ARL15: variants seen among roughly 807,000 people sequenced by gnomAD.
The protein encoded by ARL15 is ARF like GTPase 15.
A neutral mutation model predicts 25.2 loss-of-function variants in ARL15; 19 were observed. The observed-to-expected ratio is 0.75, with a 90% CI of 0.53 to 1.10. The LOEUF (loss-of-function observed/expected upper bound fraction) is 1.10, where lower values mean the gene tolerates loss of function less well. Among genes scored for constraint, ARL15 ranks in the 50% least tolerant of loss-of-function variants. The pLI, the probability that ARL15 is intolerant of heterozygous loss-of-function variation, is 0.00. For missense variants in ARL15, 220 were observed against 246.0 expected (o/e 0.89, Z 0.71); for synonymous variants, 94 against 86.8 (o/e 1.08, Z -0.46).
chr5:54,266,382 A>C (rs1757625414), intron 1 of ARL15, among the ~76,000 whole-genome samples: 1 of 152,214 alleles, frequency 6.6e-6, no homozygotes, highest in South Asian at 2.1e-4. Context: ...GCAGATGTGT[A>C]GAGAAAAATC....
At chr5:54,227,366 T>C (rs566907777) in intron 1 of ARL15, among the ~76,000 whole-genome samples, 216 of 152,290 alleles carry the variant, frequency 1.4e-3, no homozygotes, top group African/African-American at 5.1e-3. Context: ...AGACCTAACC[T>C]CATTGCCTTT....
At chr5:54,273,109 C>T (rs900980619) in intron 1 of ARL15, among the ~76,000 whole-genome samples, 1 of 152,036 alleles carries the variant, frequency 6.6e-6, no homozygotes, top group African/African-American at 2.4e-5. Context: ...TTCAGCAAAC[C>T]GTACTAAACT....
At chr5:54,070,324 G>A (rs1378640323) in intron 4 of ARL15, among the ~76,000 whole-genome samples, 1 of 151,740 alleles carries the variant, frequency 6.6e-6, no homozygotes, top group Non-Finnish European at 1.5e-5. Flanking sequence ...CCTGGAAGGT[G>A]GAGCTTGCAG....
At chr5:53,940,606 T>C (rs192702737) in intron 4 of ARL15, among the ~76,000 whole-genome samples, 98 of 152,260 alleles carry the variant, frequency 6.4e-4, no homozygotes, top group African/African-American at 2.1e-3. Flanking sequence ...TTATTCCTAA[T>C]TTTCTGGAGA....
At chr5:54,015,292 C>CAAAAA (rs112278417) in intron 4 of ARL15, among the ~76,000 whole-genome samples, 2 of 138,260 alleles carry the variant, frequency 1.4e-5, no homozygotes, top group Non-Finnish European at 3.1e-5. Context: ...AACTCCATCT[C>CAAAAA]AAAAAAAAAA....
chr5:54,073,616 G>A (rs1162625828), intron 4 of ARL15, among the ~76,000 whole-genome samples: 1 of 152,212 alleles, frequency 6.6e-6, no homozygotes, highest in Non-Finnish European at 1.5e-5. Flanking sequence ...GTCTAGTGGT[G>A]TCTCCTTATA....
At chr5:54,096,133 A>G (rs1042893204) in intron 4 of ARL15, among the ~76,000 whole-genome samples, 1 of 152,218 alleles carries the variant, frequency 6.6e-6, no homozygotes, top group Non-Finnish European at 1.5e-5. Flanking sequence ...GCCTGATACA[A>G]TGTATGTGAA....
intron 4 of ARL15, among the ~76,000 whole-genome samples, chr5:54,007,477 C>A (rs1275877794): frequency 1.3e-5 from 2 of 152,074 alleles, no homozygotes; most frequent in African/African-American, 4.8e-5. Flanking sequence ...GCATATGATC[C>A]TGGCCTTAAA....
intron 3 of ARL15, among the ~76,000 whole-genome samples, chr5:54,119,854 C>T (rs975067221): frequency 5.9e-5 from 9 of 152,166 alleles, no homozygotes; most frequent in South Asian, 4.1e-4. Context: ...ATGTTGCCTA[C>T]TCCACCAAGC....
At chr5:54,030,370 T>C (rs1749939227) in intron 4 of ARL15, among the ~76,000 whole-genome samples, 1 of 152,234 alleles carries the variant, frequency 6.6e-6, no homozygotes. Context: ...CTACATATTG[T>C]AACTATCATT....
chr5:53,993,238 T>C (rs35027270), intron 4 of ARL15, among the ~76,000 whole-genome samples: 33,413 of 152,112 alleles, frequency 0.22, 3,879 homozygotes, highest in East Asian at 0.46. Flanking sequence ...AACCAAACTG[T>C]TAACTCTCTT....
In ARL15 at chr5:54,056,693, G is replaced by T. The variant is rs372751962; in HGVS notation, c.462+56509C>A. ...ACAAATAAAGAAACTGACACCTCGT[G>T]GGGTTGGGGGGATGCCAGAGGCCAC... On this transcript the variant is annotated intron_variant, in intron 4 of 4. Transcript: ENST00000504924. Among the ~76,000 whole-genome samples the T allele has an allele frequency of 1.8e-4, 28 of 152,000 alleles. No homozygotes were observed. In the South Asian group the frequency reaches 4.8e-3, roughly 26 times the overall value.
intron 4 of ARL15, among the ~76,000 whole-genome samples, chr5:54,079,504 T>G (rs998682091): frequency 1.3e-5 from 2 of 152,184 alleles, no homozygotes; most frequent in Non-Finnish European, 2.9e-5. Context: ...TTTTCAAGTA[T>G]AGGAAAATTA....
rs144013536 is a variant in ARL15 at position 53,890,367 on chromosome 5, T to C, written c.463-3654A>G. Among the ~76,000 whole-genome samples the C allele has an allele frequency of 1.4e-4, 22 of 152,282 alleles. No homozygotes were observed. In the East Asian group the frequency reaches 3.1e-3, roughly 21 times the overall value. ...TGATGCAATGATCTATTTTTTATGATGGACATACAATTTTTTAAGGCCATT... is the reference window on the plus strand; with the variant it reads ...TGATGCAATGATCTATTTTTTATGACGGACATACAATTTTTTAAGGCCATT... On this transcript the variant is annotated intron_variant, in intron 4 of 4. Transcript: ENST00000504924.
chr5:54,233,668 G>C (rs1193705398), intron 1 of ARL15, among the ~76,000 whole-genome samples: 1 of 152,186 alleles, frequency 6.6e-6, no homozygotes, highest in South Asian at 2.1e-4. Context: ...ATGGTTTCAG[G>C]TTCCACATGG....
intron 4 of ARL15, among the ~76,000 whole-genome samples, chr5:53,953,719 C>T (rs1294685566): frequency 6.6e-6 from 1 of 151,972 alleles, no homozygotes; most frequent in Non-Finnish European, 1.5e-5. Context: ...AGGTGTCAGC[C>T]AAAGGAATGT....
At chr5:54,297,657 G>A (rs1758500778) in intron 1 of ARL15, among the ~76,000 whole-genome samples, 1 of 152,146 alleles carries the variant, frequency 6.6e-6, no homozygotes, top group Non-Finnish European at 1.5e-5. Flanking sequence ...TCTGACCTCT[G>A]CAGTCTTCAA....
At chr5:54,073,021 T>C (rs1189785462) in intron 4 of ARL15, among the ~76,000 whole-genome samples, 2 of 152,206 alleles carry the variant, frequency 1.3e-5, no homozygotes, top group Non-Finnish European at 2.9e-5. Flanking sequence ...AAAGCCAAAT[T>C]GGTTATGCAT....
intron 3 of ARL15, among the ~76,000 whole-genome samples, chr5:54,153,851 C>T (rs1014600698): frequency 6.6e-6 from 1 of 152,100 alleles, no homozygotes; most frequent in Admixed American, 6.6e-5. Context: ...CAAGGTAAGG[C>T]CAATATCACA....
Sources: gnomAD v4.1 joint callset for allele counts (sites outside exome capture counted in the v4.1 genomes callset) on GRCh38, gnomAD v4.1.1 for gene constraint, MANE v1.5 for transcripts, NCBI Gene and HGNC (gene_info 2026-07-23, HGNC 2026-07-21) for gene names.